The following PTK2B variants were observed in gnomAD, a reference collection of about 807,000 sequenced individuals.
The protein encoded by PTK2B is protein-tyrosine kinase 2-beta.
Under a neutral mutation model 142.9 loss-of-function variants are expected in PTK2B, and 71 were observed. The observed-to-expected ratio is 0.50, with a 90% CI of 0.41 to 0.61. The LOEUF (loss-of-function observed/expected upper bound fraction) is 0.61, where lower values mean the gene tolerates loss of function less well. Among genes scored for constraint, PTK2B ranks in the 20% least tolerant of loss-of-function variants. The pLI is 0.00. For missense variants in PTK2B, 1,105 were observed against 1,320.4 expected, an observed-to-expected ratio of 0.84 and a Z score of 2.53; for synonymous variants, 519 against 503.4, an observed-to-expected ratio of 1.03 and a Z score of -0.42.
chr8:27,430,088 T>A lies in PTK2B; in HGVS notation c.552-5T>A. On this transcript the variant is annotated splice_region_variant and splice_polypyrimidine_tract_variant and intron_variant, in intron 5 of 30. Coordinates refer to ENST00000346049, the MANE Select transcript of PTK2B (RefSeq NM_173176.3). ...AGCCTCCCTCTCCACCACCTATTTC[T>A]CCAGGCGGTTCTTCAAGGATATGCC... The A allele has an allele frequency of 6.2e-7, 1 of 1,613,032 alleles. No individual in the cohort carries two copies. The highest frequency in any genetic ancestry group is 1.3e-5 in the African/African-American group (1 of 75,012).
At chr8:27,419,721 T>C (rs758214219) in intron 2 of PTK2B, among the ~76,000 whole-genome samples, 174 bp from the exon 3 acceptor site, 37 of 152,224 alleles carry the variant, frequency 2.4e-4, no homozygotes, top group Middle Eastern at 3.2e-3. Context: ...TGTCAATTTA[T>C]CAGATAGAGC....
chr8:27,364,909 T>C (rs928144814), intron 1 of PTK2B, among the ~76,000 whole-genome samples: 1 of 152,252 alleles, frequency 6.6e-6, no homozygotes, highest in South Asian at 2.1e-4. Flanking sequence ...ACTCGATTGC[T>C]GCCCCAGGGT....
intron 3 of PTK2B, among the ~76,000 whole-genome samples, chr8:27,313,969 T>C (rs7833348): frequency 0.97 from 147,874 of 152,312 alleles, 71,815 homozygotes; most frequent in East Asian, 1. Context: ...GTGATAACTG[T>C]GAAACCATCA....
At chr8:27,364,704 C>CCTGA (rs1263825139) in intron 1 of PTK2B, among the ~76,000 whole-genome samples, 1 of 152,210 alleles carries the variant, frequency 6.6e-6, no homozygotes. Context: ...ACCTTCTCAT[C>CCTGA]CTGACTTGAT....
chr8:27,430,689 T>C (rs1303799113), intron 7 of PTK2B, among the ~76,000 whole-genome samples, 187 bp from the exon 8 acceptor site: 2 of 152,164 alleles, frequency 1.3e-5, no homozygotes, highest in East Asian at 3.9e-4. Context: ...ACCTCCTTCG[T>C]AGGGTTACGG....
At chr8:27,436,386 A>G (rs1183324870) in intron 15 of PTK2B, 38 bp downstream of exon 15, 3 of 1,564,550 alleles carry the variant, frequency 1.9e-6, no homozygotes, top group South Asian at 2.2e-5. Context: ...CCTCTTCCAC[A>G]TGTCTGTAGG....
At chr8:27,446,571 C>T (rs914947291) in intron 24 of PTK2B, among the ~76,000 whole-genome samples, 7 of 152,124 alleles carry the variant, frequency 4.6e-5, no homozygotes, top group African/African-American at 1.7e-4. Context: ...TGCTTATAAC[C>T]AGATGCCCAC....
chr8:27,457,443 G>A (rs1361577971), intron 30 of PTK2B, among the ~76,000 whole-genome samples: 1 of 152,214 alleles, frequency 6.6e-6, no homozygotes. Flanking sequence ...ATGGATCAAG[G>A]AGTAATTTCT....
At chr8:27,315,695 T>G (rs1803080472) in intron 3 of PTK2B, among the ~76,000 whole-genome samples, 1 of 152,148 alleles carries the variant, frequency 6.6e-6, no homozygotes, top group Non-Finnish European at 1.5e-5. Flanking sequence ...GAGTAGAAAT[T>G]GTATCTTTTA....
intron 4 of PTK2B, 32 bp downstream of exon 4, chr8:27,420,776 C>T (rs1233100803): frequency 1.3e-6 from 2 of 1,553,338 alleles, no homozygotes; most frequent in Non-Finnish European, 1.8e-6. Flanking sequence ...TGCCCCGAGG[C>T]TCCCATTACA....
intron 11 of PTK2B, 37 bp from the exon 12 acceptor site, chr8:27,434,056 C>T: frequency 1.2e-6 from 2 of 1,611,998 alleles, no homozygotes; most frequent in Non-Finnish European, 1.7e-6. Context: ...TCCCTGTGTC[C>T]CCAGCTCCAA....
intron 1 of PTK2B, among the ~76,000 whole-genome samples, chr8:27,377,569 G>T (rs1275136105): frequency 6.6e-6 from 1 of 152,176 alleles, no homozygotes; most frequent in Non-Finnish European, 1.5e-5. Flanking sequence ...TCTGTCTCCA[G>T]CTGAGTGTGG....
chr8:27,373,540 G>A (rs2130965723), intron 1 of PTK2B, among the ~76,000 whole-genome samples: 1 of 152,174 alleles, frequency 6.6e-6, no homozygotes, highest in South Asian at 2.1e-4. Flanking sequence ...CTTAGAGCTG[G>A]GTGTGGTGGC....
At chr8:27,353,591 A>G (rs903397092) in intron 1 of PTK2B, among the ~76,000 whole-genome samples, 2 of 152,188 alleles carry the variant, frequency 1.3e-5, no homozygotes, top group African/African-American at 2.4e-5. Context: ...TGTGGTCACC[A>G]TAGCACAGCC....
chr8:27,424,586 T>C (rs1809960759), intron 5 of PTK2B, among the ~76,000 whole-genome samples: 3 of 152,246 alleles, frequency 2.0e-5, no homozygotes, highest in Admixed American at 2.0e-4. Flanking sequence ...AAAACACCTA[T>C]TTTGTAAACC....
At position 27,437,394 on chromosome 8, in the gene PTK2B, A is replaced by C. The variant is rs1810851234; in HGVS notation, c.1427-2A>C. 2 of 1,611,038 alleles carry C rather than the reference A, an allele frequency of 1.2e-6. No homozygotes were observed. The highest frequency in any genetic ancestry group is 1.1e-5 in the South Asian group (1 of 90,630). Reference sequence around the variant, plus strand: ...TGTCCCTCTTGCCCCACCACACTGCAGTGATCATGAAGAACCTCGACCACC... The same window carrying C: ...TGTCCCTCTTGCCCCACCACACTGCCGTGATCATGAAGAACCTCGACCACC... On this transcript the variant is annotated splice_acceptor_variant, in intron 16 of 30. Coordinates refer to ENST00000346049, the MANE Select transcript of PTK2B (RefSeq NM_173176.3). LOFTEE classifies it high-confidence loss of function.
At chr8:27,388,501 T>A (rs1385334630) in intron 1 of PTK2B, among the ~76,000 whole-genome samples, 3 of 152,198 alleles carry the variant, frequency 2.0e-5, no homozygotes, top group Non-Finnish European at 2.9e-5. Context: ...AAGTACTGGG[T>A]GGTGCCACCA....
Position 27,454,261 on chromosome 8 carries a change from G to C in PTK2B, c.2703G>C (p.Leu901=), listed in dbSNP as rs142584961. The change falls in exon 29 of 31, where the codon CTG becomes CTC. Residue 901 remains leucine, a synonymous_variant. Coordinates refer to ENST00000346049, the MANE Select transcript of PTK2B (RefSeq NM_173176.3). ...VLELKNELCQ[L]PPEGYVVVVK... ...AGCTCAAGAATGAGCTCTGTCAGCT[G>C]CCCCCCGAGGGCTACGTGGTGGTGG... is the stretch of plus-strand genomic sequence containing the variant. 9.9e-6 allele frequency: 16 copies of C among 1,613,876 alleles called. No individual in the cohort carries two copies. The African/African-American group carries it at 1.9e-4, about 19-fold the overall frequency.
In PTK2B at chr8:27,385,888, G is replaced by A. The variant is rs1316950753; in HGVS notation, c.-37-11660G>A. ...AGCCTGGGTGACAAAGTGAGATTCC[G>A]TCTCAAAAAAAAAAAAAAAAAAAGA... On this transcript the variant is annotated intron_variant, in intron 1 of 30. Transcript: ENST00000346049. Among the ~76,000 whole-genome samples, 178 of 71,846 alleles carry A rather than the reference G, an allele frequency of 2.5e-3. 1 individual carries two copies. The highest frequency in any genetic ancestry group is 0.016 in the South Asian group (23 of 1,402). 47.1% of individuals were successfully genotyped at this position (71,846 alleles called of 152,430 possible). A position where few individuals can be genotyped will look rare whatever the true frequency, so the allele number is the denominator to read the frequency against.
Sources: gnomAD v4.1 joint callset for allele counts (sites outside exome capture counted in the v4.1 genomes callset) on GRCh38, gnomAD v4.1.1 for gene constraint, MANE v1.5 for transcripts, NCBI Gene and HGNC (gene_info 2026-07-23, HGNC 2026-07-21) for gene names.